Variants in ATP8B1 observed in about 807,000 individuals in gnomAD.
ATP8B1 encodes the protein phospholipid-transporting ATPase IC.
A neutral mutation model predicts 149.9 loss-of-function variants in ATP8B1; 80 were observed. The ratio of observed to expected loss-of-function variants is 0.53; its 90% confidence interval spans 0.45 to 0.64. The LOEUF is 0.64. Among genes scored for constraint, ATP8B1 ranks in the 30% least tolerant of loss-of-function variants. The probability of loss-of-function intolerance (pLI) is 0.00; values close to 1 mark genes in which losing one functional copy is unlikely to be tolerated. For synonymous variants in ATP8B1, 536 were observed against 562.8 expected, an observed-to-expected ratio of 0.95 and a Z score of 0.67; for missense variants, 1,247 against 1,552.6, an observed-to-expected ratio of 0.80 and a Z score of 3.31.
chr18:57,800,066 C>T (rs2080559482), intron 1 of ATP8B1, among the ~76,000 whole-genome samples: 1 of 152,170 alleles, frequency 6.6e-6, no homozygotes, highest in Non-Finnish European at 1.5e-5. Flanking sequence ...GACCTGAAAA[C>T]TCACAAGATA....
intron 26 of ATP8B1, 77 bp from the exon 27 acceptor site, chr18:57,650,574 G>A: frequency 6.5e-7 from 1 of 1,542,006 alleles, no homozygotes; most frequent in Non-Finnish European, 8.9e-7. Flanking sequence ...CAGGTGTGGT[G>A]GCTCATGCCT....
Position 57,668,610 on chromosome 18 carries a change from G to A in ATP8B1, c.2098-70C>T, listed in dbSNP as rs1009334742. 7.0e-6 allele frequency: 7 copies of A among 1,003,446 alleles called. No individual in the cohort carries two copies. In the Admixed American group the frequency reaches 1.5e-4, roughly 21 times the overall value. 62.2% of individuals were successfully genotyped at this position (1,003,446 alleles called of 1,614,324 possible). On this transcript the variant is annotated intron_variant, in intron 18 of 27. Transcript: ENST00000648908. The stretch of plus-strand genomic sequence containing the variant: ...AACCAAAAGTTTTCTGTAATTACAG[G>A]TTGCCAACCTGTAAAAAGAAGGGCT...
At chr18:57,737,781 G>C (rs1238580225) in intron 1 of ATP8B1, 2 of 152,174 alleles carry the variant, frequency 1.3e-5, no homozygotes, top group African/African-American at 4.8e-5. Flanking sequence ...TATTAAGACT[G>C]TCTCCAGCCC....
At position 57,685,052 on chromosome 18, in the gene ATP8B1, C is replaced by A; in HGVS notation, c.1473+20G>T. On this transcript the variant is annotated intron_variant, in intron 14 of 27. Transcript: ENST00000648908. The stretch of plus-strand genomic sequence containing the variant: ...GACATCCCCAGCATCCCAAACGATT[C>A]TTCGGCTTAAAGGTCTTACCTCTAT... 1 of 1,613,826 alleles carries A rather than the reference C, an allele frequency of 6.2e-7. No homozygotes were observed. The highest frequency in any genetic ancestry group is 1.1e-5 in the South Asian group (1 of 91,064).
At chr18:57,709,327 A>C (rs555368248) in intron 2 of ATP8B1, among the ~76,000 whole-genome samples, 1 of 152,240 alleles carries the variant, frequency 6.6e-6, no homozygotes, top group African/African-American at 2.4e-5. Context: ...TTGCTTGTAC[A>C]TTAAAGGCTG....
intron 17 of ATP8B1, 116 bp downstream of exon 17, chr18:57,671,352 T>C (rs1911208248): frequency 2.2e-6 from 2 of 917,388 alleles, no homozygotes; most frequent in Non-Finnish European, 3.5e-6. Flanking sequence ...CCACCCCAAC[T>C]ATTGCAAAGC....
chr18:57,675,125 A>G, intron 15 of ATP8B1, 103 bp from the exon 16 acceptor site: 3 of 1,174,492 alleles, frequency 2.6e-6, no homozygotes, highest in Non-Finnish European at 3.7e-6. Context: ...GATGGGCTGC[A>G]AAGCCCAAAA....
intron 2 of ATP8B1, among the ~76,000 whole-genome samples, chr18:57,711,664 C>T (rs1913694311): frequency 6.6e-6 from 1 of 152,178 alleles, no homozygotes; most frequent in Non-Finnish European, 1.5e-5. Context: ...ATGCTCATAG[C>T]TCACTGCAGC....
intron 1 of ATP8B1, among the ~76,000 whole-genome samples, chr18:57,798,685 G>A (rs2080542717): frequency 6.6e-6 from 1 of 152,158 alleles, no homozygotes; most frequent in South Asian, 2.1e-4. Context: ...TGGGTAAAGG[G>A]GGCTCAGGAG....
intron 1 of ATP8B1, among the ~76,000 whole-genome samples, chr18:57,792,334 G>T (rs1279087577): frequency 6.6e-6 from 1 of 151,696 alleles, no homozygotes; most frequent in Non-Finnish European, 1.5e-5. Context: ...AAAGAATTGA[G>T]ACAGGGTCTT....
chr18:57,774,348 A>T (rs990302546), intron 1 of ATP8B1, among the ~76,000 whole-genome samples: 2 of 152,224 alleles, frequency 1.3e-5, no homozygotes. Context: ...CTATAATCCC[A>T]GCACTTTGGG....
intron 2 of ATP8B1, among the ~76,000 whole-genome samples, chr18:57,728,278 G>A (rs777649937): frequency 1.3e-4 from 20 of 152,262 alleles, no homozygotes; most frequent in Admixed American, 5.9e-4. Context: ...ACCTCGCAGG[G>A]TGACTCATGT....
chr18:57,709,684 C>A (rs1053014044), intron 2 of ATP8B1, among the ~76,000 whole-genome samples: 3 of 146,560 alleles, frequency 2.0e-5, no homozygotes, highest in Non-Finnish European at 3.0e-5. Context: ...TTTCTTTTTT[C>A]ATTTTTTTTT....
intron 1 of ATP8B1, among the ~76,000 whole-genome samples, chr18:57,769,812 A>G (rs2080249594): frequency 6.6e-6 from 1 of 152,244 alleles, no homozygotes; most frequent in African/African-American, 2.4e-5. Flanking sequence ...TAATGTATTA[A>G]TGATAGCACC....
rs138184271 is a variant in ATP8B1 at position 57,707,584 on chromosome 18, C to A, written c.182-997G>T. ...ATAAAGATTGTGTGATCTCGGCTCA[C>A]TGCAACCTCTGCCTCCCGGGTTCAA... On this transcript the variant is annotated intron_variant, in intron 2 of 27. Transcript: ENST00000648908. 1.7e-3 allele frequency among the ~76,000 whole-genome samples: 262 copies of A among 150,374 alleles called. 9 individuals carry two copies. The East Asian group carries it at 0.043, about 25-fold the overall frequency.
chr18:57,706,040 C>T lies in ATP8B1; in HGVS notation c.279+450G>A, dbSNP rs114564849. On this transcript the variant is annotated intron_variant, in intron 3 of 27. Transcript: ENST00000648908. ...CCACTCCAGGCTAATTTTTGTATTT[C>T]GCATTTAATCTTTAAGCATTCTTTA... Among the ~76,000 whole-genome samples the T allele has an allele frequency of 2.2e-3, 336 of 152,160 alleles. 2 individuals are homozygous for T. Among genetic ancestry groups the T allele is most frequent in the African/African-American group, 7.7e-3 (320 of 41,522 alleles).
At chr18:57,787,285 T>A (rs1310664214) in intron 1 of ATP8B1, among the ~76,000 whole-genome samples, 1 of 152,224 alleles carries the variant, frequency 6.6e-6, no homozygotes, top group East Asian at 1.9e-4. Flanking sequence ...CACTTTATGC[T>A]TACTGATTTC....
At chr18:57,668,309 C>A in intron 19 of ATP8B1, 120 bp downstream of exon 19, 3 of 1,322,304 alleles carry the variant, frequency 2.3e-6, no homozygotes, top group East Asian at 2.4e-5. Flanking sequence ...AAGCATCTTC[C>A]GTCCAAAGAA....
intron 15 of ATP8B1, among the ~76,000 whole-genome samples, chr18:57,680,626 CCA>C (rs1322229988): frequency 6.9e-6 from 1 of 143,914 alleles, no homozygotes; most frequent in Admixed American, 6.8e-5. Context: ...AAAAAAAAAA[CCA>C]CACACGCTCA....
Sources: gnomAD v4.1 joint callset for allele counts (sites outside exome capture counted in the v4.1 genomes callset) on GRCh38, gnomAD v4.1.1 for gene constraint, MANE v1.5 for transcripts, NCBI Gene and HGNC (gene_info 2026-07-23, HGNC 2026-07-21) for gene names.